The following SPRR2G variants were observed in gnomAD, a reference collection of about 807,000 sequenced individuals.
The protein encoded by SPRR2G is small proline rich protein 2G.
A neutral mutation model predicts 0.7 loss-of-function variants in SPRR2G; 1 was observed. The observed-to-expected ratio is 1.49, with a 90% CI of 0.53 to 7.06. The LOEUF (loss-of-function observed/expected upper bound fraction) is 7.06, where lower values mean the gene tolerates loss of function less well. Among genes scored for constraint, SPRR2G ranks in the 30% most tolerant of loss-of-function variants. The pLI, the probability that SPRR2G is intolerant of heterozygous loss-of-function variation, is 0.14. For missense variants in SPRR2G, 96 were observed against 88.5 expected (o/e 1.09, Z -0.34); for synonymous variants, 38 against 33.9 (o/e 1.12, Z -0.42).
the SPRR2G span, among the ~76,000 whole-genome samples, chr1:153,180,219 C>T: frequency 6.6e-6 from 1 of 152,304 alleles, no homozygotes; most frequent in East Asian, 1.9e-4. Flanking sequence ...ATGTTACCAG[C>T]ATCTCAGAAG....
the SPRR2G span, chr1:153,190,539 C>A: frequency 6.6e-6 from 1 of 152,250 alleles, no homozygotes; most frequent in Non-Finnish European, 1.5e-5. Context: ...TCCAAATATG[C>A]CATATTTCCA....
chr1:153,193,856 C>T, the SPRR2G span, among the ~76,000 whole-genome samples: 1 of 152,188 alleles, frequency 6.6e-6, no homozygotes, highest in African/African-American at 2.4e-5. Flanking sequence ...TGGAACCCCA[C>T]TGGGGGCTTA....
At chr1:153,179,250 C>T in the SPRR2G span, among the ~76,000 whole-genome samples, 153 of 152,240 alleles carry the variant, frequency 1.0e-3, 1 homozygote, top group African/African-American at 3.5e-3. Flanking sequence ...AGAGTCAATT[C>T]ATAATGGACT....
chr1:153,181,666 A>T, the SPRR2G span, among the ~76,000 whole-genome samples: 2 of 146,148 alleles, frequency 1.4e-5, no homozygotes, highest in African/African-American at 5.6e-5. Flanking sequence ...GGAACAGGTG[A>T]TCATTGTCTT....
the SPRR2G span, among the ~76,000 whole-genome samples, chr1:153,173,340 A>G: frequency 6.6e-6 from 1 of 152,168 alleles, no homozygotes; most frequent in Non-Finnish European, 1.5e-5. Context: ...GACAATAAGA[A>G]AGAGTGAAGT....
upstream of SPRR2G, among the ~76,000 whole-genome samples, chr1:153,155,431 C>T (rs1656563195): frequency 6.6e-6 from 1 of 152,154 alleles, no homozygotes. Context: ...ATAAGTATCT[C>T]TGGAATCCAT....
At chr1:153,189,153 C>G in the SPRR2G span, among the ~76,000 whole-genome samples, 600 of 152,330 alleles carry the variant, frequency 3.9e-3, 8 homozygotes, top group African/African-American at 0.013. Flanking sequence ...GAAAGAGGTT[C>G]ACCAAAGTTT....
Position 153,150,008 on chromosome 1 carries a change from G to T in SPRR2G, c.103C>A (p.Pro35Thr), listed in dbSNP as rs573005165. The change falls in exon 2 of 2, where the codon CCT becomes ACT. Residue 35 changes from proline to threonine, a missense_variant. Coordinates refer to ENST00000368748, the MANE Select transcript of SPRR2G (RefSeq NM_001014291.4). ...GGTGGACAAGGAGGAGGCAGGTAAG[G>T]CTCAGGGCACTTCGGGGGTGGACAT... Reference protein sequence around the residue: ...EPCPPPKCPEPYLPPPCPPEH... With the variant: ...EPCPPPKCPETYLPPPCPPEH... 3 of 1,613,930 alleles carry T rather than the reference G, an allele frequency of 1.9e-6. No individual in the cohort carries two copies. The highest frequency in any genetic ancestry group is 1.3e-5 in the African/African-American group (1 of 75,020).
chr1:153,179,862 A>C, the SPRR2G span, among the ~76,000 whole-genome samples: 6 of 152,138 alleles, frequency 3.9e-5, no homozygotes, highest in African/African-American at 1.4e-4. Flanking sequence ...ATATCAGAAC[A>C]ACCACAGCAA....
chr1:153,161,892 A>G, the SPRR2G span, among the ~76,000 whole-genome samples: 1 of 152,230 alleles, frequency 6.6e-6, no homozygotes, highest in African/African-American at 2.4e-5. Flanking sequence ...ACCTTTCTAA[A>G]TTGACAATGT....
chr1:153,175,872 G>A, the SPRR2G span, among the ~76,000 whole-genome samples: 1 of 152,032 alleles, frequency 6.6e-6, no homozygotes, highest in African/African-American at 2.4e-5. Flanking sequence ...ATCACCTGAG[G>A]GCGGTGAAAC....
At chr1:153,178,185 G>T in the SPRR2G span, among the ~76,000 whole-genome samples, 1 of 152,008 alleles carries the variant, frequency 6.6e-6, no homozygotes, top group Non-Finnish European at 1.5e-5. Flanking sequence ...TGTATTCTGT[G>T]GCCTTGATAA....
the SPRR2G span, among the ~76,000 whole-genome samples, chr1:153,157,374 A>G: frequency 6.6e-6 from 1 of 152,230 alleles, no homozygotes; most frequent in African/African-American, 2.4e-5. Context: ...AAAAAGAACA[A>G]ACAAAGTGTG....
chr1:153,168,744 A>T, the SPRR2G span, among the ~76,000 whole-genome samples: 358 of 152,268 alleles, frequency 2.4e-3, 2 homozygotes, highest in Middle Eastern at 0.01. Flanking sequence ...CCAAATAAGT[A>T]CCAAACGAAA....
the SPRR2G span, among the ~76,000 whole-genome samples, chr1:153,172,734 G>T: frequency 6.6e-6 from 1 of 152,166 alleles, no homozygotes; most frequent in African/African-American, 2.4e-5. Context: ...GGGATCAAAG[G>T]TACAAGATTA....
the SPRR2G span, among the ~76,000 whole-genome samples, chr1:153,163,551 C>T: frequency 6.6e-6 from 1 of 152,114 alleles, no homozygotes; most frequent in Non-Finnish European, 1.5e-5. Context: ...CAGTGCATAC[C>T]AATTCCAAAG....
At chr1:153,182,198 G>T in the SPRR2G span, among the ~76,000 whole-genome samples, 47 of 152,112 alleles carry the variant, frequency 3.1e-4, no homozygotes, top group African/African-American at 9.4e-4. Context: ...ATACTTGTTG[G>T]CCATTTGTAT....
the SPRR2G span, among the ~76,000 whole-genome samples, chr1:153,170,679 T>G: frequency 2.6e-5 from 4 of 152,152 alleles, no homozygotes; most frequent in African/African-American, 9.7e-5. Context: ...AAAATACTTT[T>G]GATTTTAAAA....
Position 153,150,013 on chromosome 1 carries a change from G to C in SPRR2G, c.98C>G (p.Pro33Arg), listed in dbSNP as rs773918362. 1 of 1,613,756 alleles carries C rather than the reference G, an allele frequency of 6.2e-7. No individual in the cohort carries two copies. The highest frequency in any genetic ancestry group is 2.2e-5 in the East Asian group (1 of 44,894). Residue 33 changes from proline (P) to arginine (R), a missense_variant, in exon 2 of 2, where the codon CCT becomes CGT. By Grantham distance (103) the Pro-to-Arg change is moderately radical (BLOSUM62 -2). Transcript: ENST00000368748. Reference sequence around the variant, plus strand: ...ACAAGGAGGAGGCAGGTAAGGCTCAGGGCACTTCGGGGGTGGACATGGCTC... The same window carrying C: ...ACAAGGAGGAGGCAGGTAAGGCTCACGGCACTTCGGGGGTGGACATGGCTC... ...CPEPCPPPKC[P>R]EPYLPPPCPP... is the part of the protein sequence containing the mutation.
Sources: gnomAD v4.1 joint callset for allele counts (sites outside exome capture counted in the v4.1 genomes callset) on GRCh38, gnomAD v4.1.1 for gene constraint, MANE v1.5 for transcripts, NCBI Gene and HGNC (gene_info 2026-07-23, HGNC 2026-07-21) for gene names.